The following FAM107A variants were observed in gnomAD, a reference collection of about 807,000 sequenced individuals.
FAM107A encodes the protein actin-associated protein FAM107A.
In FAM107A, 19 loss-of-function variants were observed where a neutral mutation model predicts 13.7. The observed-to-expected ratio is 1.38, with a 90% CI of 0.97 to 2.03. The LOEUF (loss-of-function observed/expected upper bound fraction) is 2.03, where lower values mean the gene tolerates loss of function less well. FAM107A is among the 30% of genes most tolerant of loss of function. The pLI, the probability that FAM107A is intolerant of heterozygous loss-of-function variation, is 0.00. For synonymous variants in FAM107A, 82 were observed against 74.5 expected (o/e 1.10, Z -0.52); for missense variants, 203 against 184.4 (o/e 1.10, Z -0.58).
chr3:58,600,356 C>G (rs928588420), intron 1 of FAM107A, among the ~76,000 whole-genome samples: 6 of 152,236 alleles, frequency 3.9e-5, no homozygotes, highest in African/African-American at 1.2e-4. Flanking sequence ...CTATCTTCCT[C>G]TCTGTCTTTT....
intron 1 of FAM107A, among the ~76,000 whole-genome samples, chr3:58,595,454 C>T (rs890788178): frequency 6.6e-6 from 1 of 152,182 alleles, no homozygotes; most frequent in South Asian, 2.1e-4. Context: ...GATCTTATGA[C>T]AATACACCCT....
intron 1 of FAM107A, among the ~76,000 whole-genome samples, chr3:58,611,838 G>C (rs916474423): frequency 8.5e-5 from 13 of 152,198 alleles, no homozygotes; most frequent in African/African-American, 2.9e-4. Context: ...TTTGGATAGA[G>C]TTCTGCACAT....
chr3:58,570,679 A>G (rs895818726), intron 1 of FAM107A, among the ~76,000 whole-genome samples: 1 of 151,284 alleles, frequency 6.6e-6, no homozygotes, highest in Non-Finnish European at 1.5e-5. Context: ...AGGTATAGAC[A>G]CTGCCTGGCC....
At chr3:58,618,825 TG>T (rs1415760679) in intron 1 of FAM107A, among the ~76,000 whole-genome samples, 2 of 151,214 alleles carry the variant, frequency 1.3e-5, no homozygotes, top group African/African-American at 4.9e-5. Context: ...GGGACAGGTT[TG>T]GGGTTTCTTC....
chr3:58,607,635 C>T (rs533176868), intron 1 of FAM107A: 1 of 152,074 alleles, frequency 6.6e-6, no homozygotes, highest in Non-Finnish European at 1.5e-5. Flanking sequence ...TGACTCTGTC[C>T]TGCTAGCATA....
upstream of FAM107A, among the ~76,000 whole-genome samples, chr3:58,591,531 A>G (rs1463850675): frequency 6.6e-6 from 1 of 152,004 alleles, no homozygotes; most frequent in Non-Finnish European, 1.5e-5. The surrounding 1 kb of genome is among the most constrained non-coding windows in gnomAD (Gnocchi z 4.3). Context: ...ACCACTGAGA[A>G]CTCTCTGGGT....
At chr3:58,608,601 T>C (rs371437232) in intron 1 of FAM107A, among the ~76,000 whole-genome samples, 6 of 152,226 alleles carry the variant, frequency 3.9e-5, no homozygotes, top group East Asian at 1.9e-4. Context: ...AGCTGGCAAG[T>C]GGCAGAGCTG....
At chr3:58,623,597 C>G (rs1381629540) in intron 1 of FAM107A, among the ~76,000 whole-genome samples, 2 of 152,208 alleles carry the variant, frequency 1.3e-5, no homozygotes, top group Admixed American at 6.5e-5. Flanking sequence ...ATGAGATGCC[C>G]CGACAGGGGC....
At chr3:58,607,904 A>G (rs998285789) in intron 1 of FAM107A, 1 of 152,216 alleles carries the variant, frequency 6.6e-6, no homozygotes, top group Non-Finnish European at 1.5e-5. Flanking sequence ...AGTTCAACTC[A>G]TGCCTTGACT....
intron 1 of FAM107A, among the ~76,000 whole-genome samples, chr3:58,599,890 G>A (rs1481777656): frequency 9.2e-5 from 14 of 151,438 alleles, no homozygotes; most frequent in Non-Finnish European, 4.4e-5. Flanking sequence ...TGGTCAGGCT[G>A]GCCTCAAACT....
rs2063609211 is a variant in FAM107A at position 58,565,355 on chromosome 3, C to T, written c.*1233G>A. On this transcript the variant is annotated 3_prime_UTR_variant, in exon 4 of 4. Coordinates refer to ENST00000360997, the MANE Select transcript of FAM107A (RefSeq NM_001076778.3). Reference sequence around the variant, plus strand: ...AAAGGTGGCAGTGGGGTCTTCAAACCACTGTTTCTATTCCAGAAGCCTACT... The same window carrying T: ...AAAGGTGGCAGTGGGGTCTTCAAACTACTGTTTCTATTCCAGAAGCCTACT... 1 of 150,970 alleles carries T rather than the reference C, an allele frequency of 6.6e-6. No individual in the cohort carries two copies. Among genetic ancestry groups the T allele is most frequent in the African/African-American group, 2.4e-5 (1 of 41,026 alleles). 9.4% of individuals were successfully genotyped at this position (150,970 alleles called of 1,614,324 possible). A position where few individuals can be genotyped will look rare whatever the true frequency, so the allele number is the denominator to read the frequency against.
chr3:58,626,016 C>T (rs1163211243), intron 1 of FAM107A, among the ~76,000 whole-genome samples: 1 of 152,188 alleles, frequency 6.6e-6, no homozygotes. Context: ...GAAGCAGGTA[C>T]CAGCCCCCCT....
At position 58,569,824 on chromosome 3, in the gene FAM107A, C is replaced by A; in HGVS notation, c.37G>T (p.Gly13Trp). ...TATTCTGGCCGGGCCATCAGGCCCC[C>A]AATGTCTGCCCGCTCCCTCTGGATC... The part of the protein sequence containing the change: ...SEIQRERADI[G>W]GLMARPEYRE... The change falls in exon 2 of 4, where the codon GGG (glycine) becomes TGG (tryptophan). Residue 13 changes from glycine (G) to tryptophan (W), a missense_variant. Transcript: ENST00000360997. This position sits in a 1 kb window ranked among gnomAD's most constrained non-coding sequence, Gnocchi z 5.7. 15 of 1,614,178 alleles carry A rather than the reference C, an allele frequency of 9.3e-6. No homozygotes were observed. Among genetic ancestry groups the A allele is most frequent in the Non-Finnish European group, 1.3e-5 (15 of 1,180,026 alleles).
upstream of FAM107A, among the ~76,000 whole-genome samples, chr3:58,579,024 G>A (rs2108054643): frequency 6.6e-6 from 1 of 152,334 alleles, no homozygotes; most frequent in South Asian, 2.1e-4. Context: ...TACCTTCAAG[G>A]GGGACACACA....
intron 1 of FAM107A, chr3:58,607,955 G>A (rs1286859123): frequency 6.6e-6 from 1 of 152,244 alleles, no homozygotes; most frequent in African/African-American, 2.4e-5. Context: ...GGTAAGCGGT[G>A]CCCAGACTCC....
rs2063598126 is a variant in FAM107A at position 58,564,132 on chromosome 3, AT to A, written c.*2455del. On this transcript the variant is annotated 3_prime_UTR_variant, in exon 4 of 4. Transcript: ENST00000360997. The surrounding 1 kb of genome is among the most constrained non-coding windows in gnomAD (Gnocchi z 5.6). ...CCAACAATGGTTTAAACAAAGAGGG[AT>A]TTATTTTATTTACAAGAATTCTGGA... is the stretch of plus-strand genomic sequence containing the variant. 1 of 152,144 alleles carries A rather than the reference AT, an allele frequency of 6.6e-6. No homozygotes were observed. The highest frequency in any genetic ancestry group is 2.1e-4 in the South Asian group (1 of 4,826). The allele number at this position is 152,144 out of a possible 1,614,324, so 9.4% of individuals were successfully genotyped here.
intron 1 of FAM107A, among the ~76,000 whole-genome samples, chr3:58,615,661 T>C (rs936841220): frequency 6.6e-6 from 1 of 152,000 alleles, no homozygotes; most frequent in African/African-American, 2.4e-5. Flanking sequence ...TTTGGGAGGC[T>C]GAGGTGTGTG....
At chr3:58,567,513 T>A in intron 2 of FAM107A, 149 bp from the exon 3 acceptor site, 1 of 876,144 alleles carries the variant, frequency 1.1e-6, no homozygotes, top group Non-Finnish European at 1.7e-6. Context: ...ACTGTCCCAT[T>A]TTACAGGGAC....
chr3:58,587,474 AGTGTGTGTGTGT>A (rs376881213), upstream of FAM107A, among the ~76,000 whole-genome samples: 4,289 of 145,542 alleles, frequency 0.029, 70 homozygotes, highest in South Asian at 0.053. Flanking sequence ...ATCAGCTTAG[AGTGTGTGTGTGT>A]GTGTGTGTGT....
Sources: allele counts gnomAD v4.1 joint callset (sites outside exome capture counted in the v4.1 genomes callset), GRCh38; gene constraint gnomAD v4.1.1; non-coding constraint Gnocchi (gnomAD v3.1); transcripts MANE v1.5; gene names NCBI Gene and HGNC (gene_info 2026-07-23, HGNC 2026-07-21).